Variants in PHF21B observed in about 807,000 individuals in gnomAD.
PHF21B encodes the protein PHD finger protein 21B.
Under a neutral mutation model 62.2 loss-of-function variants are expected in PHF21B, and 22 were observed. That is an observed-to-expected ratio of 0.35 (90% confidence interval 0.25 to 0.51). The LOEUF (loss-of-function observed/expected upper bound fraction) is 0.51, where lower values mean the gene tolerates loss of function less well. Among genes scored for constraint, PHF21B ranks in the 20% least tolerant of loss-of-function variants. The probability of loss-of-function intolerance (pLI) is 0.97; values close to 1 mark genes in which losing one functional copy is unlikely to be tolerated. For synonymous variants in PHF21B, 341 were observed against 314.7 expected, an observed-to-expected ratio of 1.08 and a Z score of -0.88; for missense variants, 701 against 707.9, an observed-to-expected ratio of 0.99 and a Z score of 0.11.
chr22:44,920,806 G>A (rs959618792), intron 2 of PHF21B, among the ~76,000 whole-genome samples: 1 of 152,156 alleles, frequency 6.6e-6, no homozygotes, highest in Non-Finnish European at 1.5e-5. Flanking sequence ...TTTCACTTAA[G>A]GACAAGGTGT....
At chr22:44,980,345 C>A (rs2072817526) in intron 2 of PHF21B, among the ~76,000 whole-genome samples, 1 of 152,300 alleles carries the variant, frequency 6.6e-6, no homozygotes, top group African/African-American at 2.4e-5. Flanking sequence ...TGCTCACCCA[C>A]GCTGAAGTAG....
intron 6 of PHF21B, among the ~76,000 whole-genome samples, chr22:44,893,863 AGATACCCACAGGTTGGGT>A (rs2071010784): frequency 1.3e-5 from 2 of 152,252 alleles, no homozygotes; most frequent in African/African-American, 4.8e-5. Flanking sequence ...ACAGGATGGC[AGATACCCACAGGTTGGGT>A]GATACCCACT....
At chr22:44,962,957 G>C (rs1052860681) in intron 2 of PHF21B, among the ~76,000 whole-genome samples, 1 of 152,192 alleles carries the variant, frequency 6.6e-6, no homozygotes, top group Non-Finnish European at 1.5e-5. Context: ...ATCATGACTC[G>C]TTCTACCTTT....
intron 2 of PHF21B, among the ~76,000 whole-genome samples, chr22:44,970,773 TTTGG>T (rs2072621885): frequency 6.6e-6 from 1 of 152,118 alleles, no homozygotes; most frequent in Non-Finnish European, 1.5e-5. Flanking sequence ...CTCTAAGCTC[TTTGG>T]AGACTATACA....
In PHF21B at chr22:44,920,380, C is replaced by A. The variant is rs55759208; in HGVS notation, c.213+18G>T. 6.3e-7 allele frequency: 1 copy of A among 1,589,842 alleles called. No homozygotes were observed. Among genetic ancestry groups the A allele is most frequent in the Non-Finnish European group, 8.6e-7 (1 of 1,165,066 alleles). On this transcript the variant is annotated intron_variant, in intron 3 of 12. Coordinates refer to ENST00000313237, the MANE Select transcript of PHF21B (RefSeq NM_138415.5). The stretch of plus-strand genomic sequence containing the variant: ...ACAGACAGACGGACACCCCAGGGCC[C>A]GCCCGAGGGCTGCTTACCTGAGGTA...
At chr22:44,977,030 G>A (rs2072749571) in intron 2 of PHF21B, among the ~76,000 whole-genome samples, 1 of 152,064 alleles carries the variant, frequency 6.6e-6, no homozygotes, top group South Asian at 2.1e-4. Flanking sequence ...ATACTAGGGA[G>A]GCTGACCTGG....
chr22:44,916,723 G>C, intron 3 of PHF21B, 93 bp from the exon 4 acceptor site: 3 of 1,148,938 alleles, frequency 2.6e-6, no homozygotes, highest in Non-Finnish European at 3.8e-6. Context: ...CTATATTCAA[G>C]GGGAAGGGGC....
At chr22:44,937,086 G>A (rs2071865139) in intron 2 of PHF21B, among the ~76,000 whole-genome samples, 3 of 151,936 alleles carry the variant, frequency 2.0e-5, no homozygotes, top group East Asian at 1.9e-4. Flanking sequence ...GGATGGTCTC[G>A]AACTCCTGAC....
intron 7 of PHF21B, 27 bp from the exon 8 acceptor site, chr22:44,891,387 C>A: frequency 6.2e-7 from 1 of 1,611,452 alleles, no homozygotes; most frequent in Non-Finnish European, 8.5e-7. Flanking sequence ...CAAAACAACA[C>A]ACCCCATCAT....
intron 2 of PHF21B, among the ~76,000 whole-genome samples, chr22:44,935,769 T>C (rs1259912224): frequency 1.3e-5 from 2 of 152,210 alleles, no homozygotes; most frequent in African/African-American, 4.8e-5. Flanking sequence ...CTCAGTTTCC[T>C]CATCTGTAAG....
intron 5 of PHF21B, among the ~76,000 whole-genome samples, chr22:44,896,538 C>T (rs1320018267): frequency 6.6e-6 from 1 of 152,230 alleles, no homozygotes; most frequent in African/African-American, 2.4e-5. Context: ...GTGCACACAG[C>T]TGGGCTAATC....
intron 2 of PHF21B, chr22:44,933,380 G>C (rs2147344496): frequency 1.2e-6 from 1 of 861,742 alleles, no homozygotes; most frequent in South Asian, 5.3e-5. Flanking sequence ...GAAAGTGATG[G>C]GATTACAGGC....
chr22:44,949,052 C>A (rs1451855665), intron 2 of PHF21B, among the ~76,000 whole-genome samples: 1 of 152,156 alleles, frequency 6.6e-6, no homozygotes, highest in Non-Finnish European at 1.5e-5. Flanking sequence ...CCTGTAATCC[C>A]AGCACTTTGG....
At chr22:44,929,553 G>C (rs144181951) in intron 2 of PHF21B, among the ~76,000 whole-genome samples, 58 of 152,298 alleles carry the variant, frequency 3.8e-4, no homozygotes, top group Non-Finnish European at 7.2e-4. Context: ...CCATGGGGAG[G>C]CCAACCCATG....
At chr22:44,944,503 G>T (rs2072024696) in intron 2 of PHF21B, among the ~76,000 whole-genome samples, 1 of 152,196 alleles carries the variant, frequency 6.6e-6, no homozygotes. Flanking sequence ...TAACAAGTTT[G>T]TATTATTGCC....
intron 2 of PHF21B, among the ~76,000 whole-genome samples, chr22:44,940,449 G>A (rs1601622315): frequency 2.0e-5 from 3 of 152,364 alleles, no homozygotes; most frequent in African/African-American, 2.4e-5. Context: ...CGCAGCGGGG[G>A]CCAACAGGAT....
At chr22:44,896,963 C>T (rs2071072410) in intron 5 of PHF21B, among the ~76,000 whole-genome samples, 1 of 145,852 alleles carries the variant, frequency 6.9e-6, no homozygotes, top group Non-Finnish European at 1.5e-5. Context: ...ACTGCAGCTT[C>T]AATCTCTGGG....
rs77754199 is a variant in PHF21B, at chr22:44,890,974, C to T, written c.1015+332G>A. 5.2e-3 allele frequency among the ~76,000 whole-genome samples: 792 copies of T among 152,332 alleles called. 14 individuals carry two copies. The highest frequency in any genetic ancestry group is 0.017 in the African/African-American group (707 of 41,568). On this transcript the variant is annotated intron_variant, in intron 8 of 12. Transcript: ENST00000313237. ...CAGCCCAGGGGTATCAGAGGCCGCC[C>T]GCGTGTGGGGAAGAGAGGTTGTCTC... is the stretch of plus-strand genomic sequence containing the variant.
chr22:44,929,339 C>A (rs2071695313), intron 2 of PHF21B, among the ~76,000 whole-genome samples: 2 of 152,232 alleles, frequency 1.3e-5, no homozygotes, highest in Non-Finnish European at 1.5e-5. Flanking sequence ...GCCTTTATGT[C>A]CCCATTTGGT....
Sources: allele counts gnomAD v4.1 joint callset (sites outside exome capture counted in the v4.1 genomes callset), GRCh38; gene constraint gnomAD v4.1.1; transcripts MANE v1.5; gene names NCBI Gene and HGNC (gene_info 2026-07-23, HGNC 2026-07-21).